PKD1: variants seen among roughly 807,000 people sequenced by gnomAD.
The protein encoded by PKD1 is polycystin-1.
Under a neutral mutation model 361.7 loss-of-function variants are expected in PKD1, and 81 were observed. The observed-to-expected ratio is 0.22, with a 90% CI of 0.19 to 0.27. PKD1 has a LOEUF of 0.27. PKD1 is among the 10% of genes least tolerant of loss of function. PKD1 has a pLI of 1.00. For synonymous variants in PKD1, 3,615 were observed against 2,818.3 expected (o/e 1.28, Z -8.95); for missense variants, 6,399 against 6,118.3 (o/e 1.05, Z -1.53).
At chr16:2,121,678 G>C (rs1567221735) in intron 1 of PKD1, among the ~76,000 whole-genome samples, 1 of 151,978 alleles carries the variant, frequency 6.6e-6, no homozygotes, top group Non-Finnish European at 1.5e-5. Flanking sequence ...CAAGCACCTC[G>C]GGGGTCACTC....
intron 1 of PKD1, among the ~76,000 whole-genome samples, chr16:2,132,736 C>T (rs1406109642): frequency 2.0e-5 from 3 of 151,868 alleles, no homozygotes; most frequent in South Asian, 2.1e-4. Context: ...TGCAGTATTG[C>T]GATGCCCTCC....
At chr16:2,125,337 A>C (rs1434699354) in intron 1 of PKD1, among the ~76,000 whole-genome samples, 1 of 152,106 alleles carries the variant, frequency 6.6e-6, no homozygotes, top group Non-Finnish European at 1.5e-5. Flanking sequence ...CCTCTGATAC[A>C]GGACGAGGCT....
intron 16 of PKD1, chr16:2,107,244 G>C (rs1036028267): frequency 2.1e-6 from 1 of 472,348 alleles, no homozygotes; most frequent in Non-Finnish European, 3.9e-6. Context: ...ATGCGTGTGA[G>C]AAGAGACGTA....
chr16:2,125,649 C>T (rs2092788227), intron 1 of PKD1, among the ~76,000 whole-genome samples: 1 of 149,328 alleles, frequency 6.7e-6, no homozygotes, highest in Non-Finnish European at 1.5e-5. Context: ...TCAAAAAGGG[C>T]CGTCTGGAGA....
At position 2,090,610 on chromosome 16, in the gene PKD1, A is replaced by G. The variant is rs757904406; in HGVS notation, c.12139-20T>C. The G allele has an allele frequency of 9.3e-6, 15 of 1,608,766 alleles. No individual in the cohort carries two copies. The South Asian group carries it at 1.2e-4, about 13-fold the overall frequency. ...CACGAGCTGCGGGGAAGGCGACACC[A>G]GTGAGGGCGTACAGCTGAGCTGAGC... On this transcript the variant is annotated intron_variant, in intron 44 of 45. Coordinates refer to ENST00000262304, the MANE Select transcript of PKD1 (RefSeq NM_001009944.3).
chr16:2,132,588 A>G (rs904308494), intron 1 of PKD1, among the ~76,000 whole-genome samples: 3 of 145,206 alleles, frequency 2.1e-5, no homozygotes, highest in Admixed American at 6.8e-5. Context: ...AAAAAAAAAA[A>G]AAAGAAAAAA....
intron 21 of PKD1, 140 bp downstream of exon 21, chr16:2,105,182 G>A: frequency 1.2e-6 from 1 of 839,582 alleles, no homozygotes; most frequent in South Asian, 1.6e-5. Flanking sequence ...AAGCAGGTCA[G>A]AGACCGAGGA....
chr16:2,128,684 G>A (rs1285842888), intron 1 of PKD1, among the ~76,000 whole-genome samples: 4 of 152,162 alleles, frequency 2.6e-5, no homozygotes, highest in African/African-American at 7.2e-5. Context: ...TGGCCACCGC[G>A]GGGAGAGGGT....
At chr16:2,091,655 G>C (rs963119551) in intron 41 of PKD1, 58 bp from the exon 42 acceptor site, 2 of 1,554,984 alleles carry the variant, frequency 1.3e-6, no homozygotes, top group Non-Finnish European at 8.6e-7. Flanking sequence ...TGCGGGGACC[G>C]CGCAGTGCAG....
At chr16:2,091,723 T>C (rs990201940) in intron 41 of PKD1, 58 bp downstream of exon 41, 1 of 1,594,946 alleles carries the variant, frequency 6.3e-7, no homozygotes, top group African/African-American at 1.3e-5. Context: ...GGAGTGAGGG[T>C]GGGCTCCTGG....
Position 2,099,977 on chromosome 16 carries a change from C to A in PKD1, c.9807G>T (p.Arg3269=), listed in dbSNP as rs1269572685. 1 of 1,563,232 alleles carries A rather than the reference C, an allele frequency of 6.4e-7. No individual in the cohort carries two copies. The highest frequency in any genetic ancestry group is 1.2e-5 in the South Asian group (1 of 85,674). The change falls in exon 29 of 46, where the codon CGG becomes CGT. Residue 3269 remains arginine (R), a synonymous_variant. Transcript: ENST00000262304. ...TGCGAGTGAAACGGCTACGAGGCGG[C>A]CGGTCCCATATGGAGAGCCAGATGT... ...DKHIWLSIWD[R]PPRSRFTRIQ... is the part of the protein sequence containing the mutation.
At position 2,110,691 on chromosome 16, in the gene PKD1, A is replaced by C; in HGVS notation, c.4476T>G (p.Arg1492=). 6.2e-7 allele frequency: 1 copy of C among 1,610,268 alleles called. No individual in the cohort carries two copies. The highest frequency in any genetic ancestry group is 8.5e-7 in the Non-Finnish European group (1 of 1,179,534). The change falls in exon 15 of 46, where the codon CGT becomes CGG. Residue 1492 remains arginine (R), a synonymous_variant. Coordinates refer to ENST00000262304, the MANE Select transcript of PKD1 (RefSeq NM_001009944.3). ...QQPYLFSAVG[R]GRPASYLWDL... ...CCCACAGGTAGCTGGCGGGGCGCCC[A>C]CGGCCCACAGCAGAGAACAGGTACG...
In PKD1 at chr16:2,090,814, G is replaced by A. The variant is rs752487740; in HGVS notation, c.12004-6C>T. The A allele has an allele frequency of 3.2e-5, 52 of 1,612,122 alleles. No homozygotes were observed. The highest frequency in any genetic ancestry group is 1.6e-4 in the Middle Eastern group (1 of 6,084). ...AAGCGTAGCTGCTGGGCAGCCTGCG[G>A]ACGAGAAATCTGTCTGCTTGCAGCC... On this transcript the variant is annotated splice_region_variant and splice_polypyrimidine_tract_variant and intron_variant, in intron 43 of 45. Coordinates refer to ENST00000262304, the MANE Select transcript of PKD1 (RefSeq NM_001009944.3).
At chr16:2,129,698 T>C (rs901958895) in intron 1 of PKD1, among the ~76,000 whole-genome samples, 2 of 151,664 alleles carry the variant, frequency 1.3e-5, no homozygotes, top group Non-Finnish European at 2.9e-5. Flanking sequence ...CACAGATGCA[T>C]ACCACCACGC....
intron 11 of PKD1, chr16:2,113,771 A>G (rs2092579162): frequency 2.6e-5 from 10 of 386,624 alleles, no homozygotes; most frequent in South Asian, 2.1e-4. Context: ...CCTGTCCCCC[A>G]TGTACCCAGC....
rs1567216641 is a variant in PKD1, at chr16:2,117,659, G to C, written c.1215C>G (p.Leu405=). ...GGAAGATCTCCGTGTCCGAGGGGCA[G>C]AGCGGGTGCACCGCTGGAGACCGGT... ...GEEPARAVHP[L]CPSDTEIFPG... The change falls in exon 6 of 46, where the codon CTC becomes CTG. Residue 405 remains leucine, a synonymous_variant. Coordinates refer to ENST00000262304, the MANE Select transcript of PKD1 (RefSeq NM_001009944.3). The C allele has an allele frequency of 1.9e-6, 3 of 1,610,260 alleles. No homozygotes were observed. Among genetic ancestry groups the C allele is most frequent in the African/African-American group, 1.3e-5 (1 of 74,958 alleles).
chr16:2,118,080 G>A lies in PKD1; in HGVS notation c.912C>T (p.Arg304=), dbSNP rs1275209794. 3.7e-6 allele frequency: 6 copies of A among 1,606,864 alleles called. No homozygotes were observed. Among genetic ancestry groups the A allele is most frequent in the Non-Finnish European group, 5.1e-6 (6 of 1,179,284 alleles). ...IAAPLPVTAT[R]WDFGDGSAEV... ...CGGCGGAGCCGTCTCCGAAGTCCCA[G>A]CGTGTGGCAGTGACAGGGAGCGGGG... The change falls in exon 5 of 46, where the codon CGC becomes CGT. Residue 304 remains arginine (R), a synonymous_variant. Coordinates refer to ENST00000262304, the MANE Select transcript of PKD1 (RefSeq NM_001009944.3). This position sits in a 1 kb window ranked among gnomAD's most constrained non-coding sequence, Gnocchi z 6.0.
Position 2,108,368 on chromosome 16 carries a change from C to G in PKD1, c.6799G>C (p.Val2267Leu), listed in dbSNP as rs148069029. The G allele has an allele frequency of 6.2e-6, 10 of 1,610,252 alleles. No homozygotes were observed. The highest frequency in any genetic ancestry group is 5.0e-5 in the Admixed American group (3 of 59,994). Residue 2267 changes from valine (V) to leucine (L), a missense_variant, in exon 15 of 46, where the codon GTG (valine) becomes CTG (leucine). Physicochemically the swap from Val to Leu is conservative, Grantham distance 32 (BLOSUM62 1). Transcript: ENST00000262304. The stretch of plus-strand genomic sequence containing the variant: ...ACCAGGTCCCGTGTGTCTGACCACA[C>G]GCGGTATGAGCCACCCTCAATGATG... ...VPIIEGGSYR[V>L]WSDTRDLVLD... is the part of the protein sequence containing the mutation.
At chr16:2,103,185 A>T in intron 23 of PKD1, 81 bp downstream of exon 23, 1 of 1,434,696 alleles carries the variant, frequency 7.0e-7, no homozygotes, top group Non-Finnish European at 9.6e-7. Flanking sequence ...CACCAGAGAC[A>T]CCCATGGAAG....
Sources: gnomAD v4.1 joint callset for allele counts (sites outside exome capture counted in the v4.1 genomes callset) on GRCh38, gnomAD v4.1.1 for gene constraint, Gnocchi (gnomAD v3.1) non-coding constraint, MANE v1.5 for transcripts, NCBI Gene and HGNC (gene_info 2026-07-23, HGNC 2026-07-21) for gene names.